Variants in SLCO5A1 observed in about 807,000 individuals in gnomAD.
The protein encoded by SLCO5A1 is organic anion transporter polypeptide-related protein 4.
Under a neutral mutation model 65.1 loss-of-function variants are expected in SLCO5A1, and 39 were observed. The ratio of observed to expected loss-of-function variants is 0.60; its 90% CI spans 0.46 to 0.78. The LOEUF is 0.78. Among genes scored for constraint, SLCO5A1 ranks in the 30% least tolerant of loss-of-function variants. The probability of loss-of-function intolerance (pLI) is 0.00; values close to 1 mark genes in which losing one functional copy is unlikely to be tolerated. For missense variants in SLCO5A1, 1,029 were observed against 1,069.4 expected, an observed-to-expected ratio of 0.96 and a Z score of 0.53; for synonymous variants, 438 against 415.7, an observed-to-expected ratio of 1.05 and a Z score of -0.65.
intron 2 of SLCO5A1, among the ~76,000 whole-genome samples, chr8:69,785,568 C>G (rs1012414111): frequency 2.0e-5 from 3 of 152,146 alleles, no homozygotes; most frequent in African/African-American, 4.8e-5. Flanking sequence ...AACAAGTTAT[C>G]TGAAATATAA....
At chr8:69,706,178 C>G (rs966760005) in intron 5 of SLCO5A1, among the ~76,000 whole-genome samples, 1 of 152,172 alleles carries the variant, frequency 6.6e-6, no homozygotes, top group Non-Finnish European at 1.5e-5. Context: ...GAACCACATG[C>G]AGCAGAATGC....
At chr8:69,791,384 T>A (rs775250749) in intron 2 of SLCO5A1, among the ~76,000 whole-genome samples, 2 of 152,326 alleles carry the variant, frequency 1.3e-5, no homozygotes, top group Non-Finnish European at 2.9e-5. Flanking sequence ...GAGTAGACAC[T>A]GTAAATCCAA....
intron 2 of SLCO5A1, among the ~76,000 whole-genome samples, chr8:69,813,378 T>C (rs1331013371): frequency 2.6e-5 from 4 of 152,256 alleles, no homozygotes; most frequent in Non-Finnish European, 5.9e-5. Flanking sequence ...AATTTCATTC[T>C]GCTGAGAATA....
rs1394428211 is a variant in SLCO5A1, at chr8:69,758,651, AGT to A, written c.1041-3012_1041-3011del. On this transcript the variant is annotated intron_variant, in intron 3 of 9. Transcript: ENST00000260126. ...CAAAAAAATACAAAAATAATATTAA[AGT>A]GTGGGGTCACTTCAAAGCAGAGCAA... Among the ~76,000 whole-genome samples the A allele has an allele frequency of 4.6e-5, 7 of 152,334 alleles. No homozygotes were observed. The East Asian group carries it at 1.3e-3, about 29-fold the overall frequency.
At chr8:69,815,673 C>CACACAG (rs1291817447) in intron 2 of SLCO5A1, among the ~76,000 whole-genome samples, 6 of 151,802 alleles carry the variant, frequency 4.0e-5, no homozygotes, top group Admixed American at 3.9e-4. Context: ...CACACACACA[C>CACACAG]ACACACACAC....
At chr8:69,739,399 T>G (rs115223757) in intron 4 of SLCO5A1, among the ~76,000 whole-genome samples, 2,858 of 152,178 alleles carry the variant, frequency 0.019, 91 homozygotes, top group African/African-American at 0.065. Flanking sequence ...GAAAAATATA[T>G]AACACCAGAC....
At chr8:69,823,497 T>C (rs1341204499) in intron 2 of SLCO5A1, among the ~76,000 whole-genome samples, 1 of 152,042 alleles carries the variant, frequency 6.6e-6, no homozygotes, top group Non-Finnish European at 1.5e-5. Flanking sequence ...TAAAACAGAC[T>C]TTAAACCAGC....
At chr8:69,794,717 T>A in intron 2 of SLCO5A1, 1 of 290,464 alleles carries the variant, frequency 3.4e-6, no homozygotes. Context: ...GCCATACTTG[T>A]TATATTAGTT....
At chr8:69,709,474 G>A (rs1815129739) in intron 5 of SLCO5A1, among the ~76,000 whole-genome samples, 1 of 152,116 alleles carries the variant, frequency 6.6e-6, no homozygotes, top group Non-Finnish European at 1.5e-5. Flanking sequence ...TACAATGTTA[G>A]TTTTTCTGTT....
At chr8:69,750,712 T>G (rs1180540867) in intron 4 of SLCO5A1, among the ~76,000 whole-genome samples, 1 of 152,188 alleles carries the variant, frequency 6.6e-6, no homozygotes, top group African/African-American at 2.4e-5. Flanking sequence ...ATATAACTTT[T>G]CCTGATCCCT....
At chr8:69,792,463 G>C (rs968792001) in intron 2 of SLCO5A1, among the ~76,000 whole-genome samples, 9 of 152,168 alleles carry the variant, frequency 5.9e-5, no homozygotes, top group African/African-American at 2.2e-4. Context: ...CAGGAAATTG[G>C]ATTTTGTCCT....
At position 69,672,573 on chromosome 8, in the gene SLCO5A1, C is replaced by T; in HGVS notation, c.*296G>A. The T allele has an allele frequency of 3.0e-6, 1 of 330,854 alleles. No individual in the cohort carries two copies. The highest frequency in any genetic ancestry group is 5.5e-6 in the Non-Finnish European group (1 of 180,662). The allele number at this position is 330,854 out of a possible 1,614,324, so 20.5% of individuals were successfully genotyped here. On this transcript the variant is annotated 3_prime_UTR_variant, in exon 10 of 10. Coordinates refer to ENST00000260126, the MANE Select transcript of SLCO5A1 (RefSeq NM_030958.3). The stretch of plus-strand genomic sequence containing the variant: ...CGCCATTCCCCTTCCCATGGTTTTG[C>T]TAACCGTGTACCTCAGCCTGTACCG...
chr8:69,768,729 A>G (rs557299745), intron 2 of SLCO5A1, among the ~76,000 whole-genome samples: 5 of 152,030 alleles, frequency 3.3e-5, no homozygotes, highest in Admixed American at 6.6e-5. Context: ...ACCTCATCTC[A>G]CCTTAACAAC....
At chr8:69,782,793 G>A (rs1563721454) in intron 2 of SLCO5A1, among the ~76,000 whole-genome samples, 2 of 152,116 alleles carry the variant, frequency 1.3e-5, no homozygotes. Context: ...AGACAAAAGT[G>A]CCAAATGACC....
chr8:69,795,675 G>A (rs1422666049), intron 2 of SLCO5A1, among the ~76,000 whole-genome samples: 1 of 152,210 alleles, frequency 6.6e-6, no homozygotes, highest in East Asian at 1.9e-4. Context: ...CTGGGGTCTG[G>A]AGGATGGTGG....
intron 2 of SLCO5A1, among the ~76,000 whole-genome samples, chr8:69,777,796 C>T (rs1199679101): frequency 6.6e-6 from 1 of 152,194 alleles, no homozygotes; most frequent in African/African-American, 2.4e-5. Context: ...TGACATCCAG[C>T]CGTCGAGGTC....
intron 2 of SLCO5A1, among the ~76,000 whole-genome samples, chr8:69,771,957 C>T (rs989288861): frequency 1.3e-5 from 2 of 152,196 alleles, no homozygotes; most frequent in Non-Finnish European, 2.9e-5. Context: ...GGGGAGGGTC[C>T]TATGGGTTGA....
chr8:69,716,284 A>G (rs1036211497), intron 5 of SLCO5A1, among the ~76,000 whole-genome samples: 3 of 152,228 alleles, frequency 2.0e-5, no homozygotes, highest in Non-Finnish European at 4.4e-5. Context: ...TAATGCTGCT[A>G]TGAACATTCA....
chr8:69,818,077 A>G (rs1436544509), intron 2 of SLCO5A1, among the ~76,000 whole-genome samples: 2 of 152,238 alleles, frequency 1.3e-5, no homozygotes, highest in Admixed American at 6.5e-5. Context: ...GATACCATTC[A>G]TCTCACATCA....
Sources: gnomAD v4.1 joint callset for allele counts (sites outside exome capture counted in the v4.1 genomes callset) on GRCh38, gnomAD v4.1.1 for gene constraint, MANE v1.5 for transcripts, NCBI Gene and HGNC (gene_info 2026-07-23, HGNC 2026-07-21) for gene names.